Variants in GALNT9 observed in about 807,000 individuals in gnomAD.
The protein encoded by GALNT9 is polypeptide N-acetylgalactosaminyltransferase 9, also known as GalNAc transferase 9.
In GALNT9, 47 loss-of-function variants were observed where a neutral mutation model predicts 63.1. The observed-to-expected ratio is 0.75, with a 90% CI of 0.59 to 0.95. GALNT9 has a LOEUF of 0.95. Among genes scored for constraint, GALNT9 ranks in the 40% least tolerant of loss-of-function variants. The pLI, the probability that GALNT9 is intolerant of heterozygous loss-of-function variation, is 0.00. For missense variants in GALNT9, 829 were observed against 874.8 expected, an observed-to-expected ratio of 0.95 and a Z score of 0.66; for synonymous variants, 396 against 365.7, an observed-to-expected ratio of 1.08 and a Z score of -0.94.
intron 2 of GALNT9, among the ~76,000 whole-genome samples, chr12:132,271,634 C>T (rs768292454): frequency 1.3e-5 from 2 of 152,174 alleles, no homozygotes; most frequent in Non-Finnish European, 2.9e-5. Context: ...TAGACACAAA[C>T]GGCGTTGGGG....
At chr12:132,283,291 A>C (rs1411430835) in intron 2 of GALNT9, 1 of 152,300 alleles carries the variant, frequency 6.6e-6, no homozygotes, top group Non-Finnish European at 1.5e-5. Context: ...GCAGGCCGGG[A>C]GAGCAGGGCC....
chr12:132,286,283 A>G lies in GALNT9; in HGVS notation c.386T>C (p.Leu129Pro), dbSNP rs1555242171. The G allele has an allele frequency of 6.4e-7, 1 of 1,551,130 alleles. No homozygotes were observed. The highest frequency in any genetic ancestry group is 2.4e-5 in the East Asian group (1 of 40,902). The stretch of plus-strand genomic sequence containing the variant: ...CCGGTAGTCGGGGATGCTCCGATCG[A>G]GGGAGATGCGGTCGCTGAGCTGAGC... ...YNAQLSDRIS[L>P]DRSIPDYRPR... Residue 129 changes from leucine to proline, a missense_variant, in exon 2 of 11, where the codon CTC becomes CCC. Leu to Pro is a moderately conservative substitution (Grantham distance 98). Transcript: ENST00000328957. The surrounding 1 kb of genome is among the most constrained non-coding windows in gnomAD (Gnocchi z 7.4).
rs372228258 is a variant in GALNT9, at chr12:132,214,597, A to G, written c.1078-10907T>C. 8.5e-5 allele frequency among the ~76,000 whole-genome samples: 13 copies of G among 152,312 alleles called. No individual in the cohort carries two copies. In the East Asian group the frequency reaches 2.5e-3, roughly 29 times the overall value. On this transcript the variant is annotated intron_variant, in intron 6 of 10. Transcript: ENST00000328957. ...CCCATGCCCCAGAGCTGCTGAGACG[A>G]TGGAAGCCAGGCCCCCCAGGCCTGC...
chr12:132,254,547 C>T (rs1401050107), intron 5 of GALNT9, among the ~76,000 whole-genome samples: 6 of 152,196 alleles, frequency 3.9e-5, no homozygotes, highest in Non-Finnish European at 8.8e-5. Flanking sequence ...AGGGCTCCAG[C>T]ACGTGACTCT....
intron 6 of GALNT9, among the ~76,000 whole-genome samples, chr12:132,225,409 C>T (rs1877631693): frequency 6.7e-6 from 1 of 149,530 alleles, no homozygotes; most frequent in African/African-American, 2.5e-5. Context: ...ACACACCACA[C>T]AACCCACACA....
intron 6 of GALNT9, among the ~76,000 whole-genome samples, chr12:132,207,354 C>A (rs898539856): frequency 6.6e-6 from 1 of 152,214 alleles, no homozygotes; most frequent in Admixed American, 6.5e-5. Context: ...AGCTGCGGAA[C>A]GAATGTGTTC....
At chr12:132,303,385 G>T (rs1881387153) in intron 1 of GALNT9, among the ~76,000 whole-genome samples, 1 of 131,908 alleles carries the variant, frequency 7.6e-6, no homozygotes, top group Admixed American at 7.5e-5. Flanking sequence ...CCTCTCCGGG[G>T]CACAGCCTCG....
At position 132,230,093 on chromosome 12, in the gene GALNT9, C is replaced by T. The variant is rs936364687; in HGVS notation, c.1077+17817G>A. Among the ~76,000 whole-genome samples the T allele has an allele frequency of 1.3e-3, 200 of 152,290 alleles. 2 individuals are homozygous for T. Among genetic ancestry groups the T allele is most frequent in the African/African-American group, 4.5e-3 (185 of 41,556 alleles). ...CCACCGGGTCATCCAAGGTGGGGCACAGAGGGCATCGTAATTCCAGCCTGG... is the reference window on the plus strand; with the variant it reads ...CCACCGGGTCATCCAAGGTGGGGCATAGAGGGCATCGTAATTCCAGCCTGG... On this transcript the variant is annotated intron_variant, in intron 6 of 10. Coordinates refer to ENST00000328957, the MANE Select transcript of GALNT9 (RefSeq NM_001122636.2).
At chr12:132,275,467 C>T (rs28584042) in intron 2 of GALNT9, 20,795 of 152,290 alleles carry the variant, frequency 0.14, 3,969 homozygotes, top group African/African-American at 0.43. Context: ...AAGAGGAGCA[C>T]GGAGAGCTGG....
At chr12:132,303,486 GAATCGCCCAGA>G (rs1881405135) in intron 1 of GALNT9, among the ~76,000 whole-genome samples, 2 of 18,056 alleles carry the variant, frequency 1.1e-4, no homozygotes, top group African/African-American at 3.1e-4. Context: ...CCCGGGCACA[GAATCGCCCAGA>G]CACACCCTCG....
chr12:132,228,396 C>T (rs940526614), intron 6 of GALNT9, among the ~76,000 whole-genome samples: 15 of 133,296 alleles, frequency 1.1e-4, no homozygotes, highest in African/African-American at 2.2e-4. Context: ...TTGCCTCTGG[C>T]GAGGCAGGGC....
At chr12:132,307,156 G>C (rs1555244732) in intron 1 of GALNT9, among the ~76,000 whole-genome samples, 2 of 152,146 alleles carry the variant, frequency 1.3e-5, no homozygotes, top group East Asian at 3.9e-4. Flanking sequence ...ATGGGGAGTG[G>C]TGGGGACTGC....
At chr12:132,202,347 GTC>G (rs1876214035) in intron 7 of GALNT9, among the ~76,000 whole-genome samples, 2 of 152,154 alleles carry the variant, frequency 1.3e-5, no homozygotes, top group Admixed American at 1.3e-4. Flanking sequence ...CCCTCTTCTC[GTC>G]TCTCAGACAC....
chr12:132,271,051 C>T (rs1555240674), intron 2 of GALNT9, among the ~76,000 whole-genome samples: 1 of 152,150 alleles, frequency 6.6e-6, no homozygotes. Context: ...GGTGCCTCAG[C>T]TGCCGCCGTC....
chr12:132,268,991 T>A (rs912995626), intron 2 of GALNT9, among the ~76,000 whole-genome samples: 1 of 152,064 alleles, frequency 6.6e-6, no homozygotes, highest in African/African-American at 2.4e-5. Flanking sequence ...ACATAAAACG[T>A]GTGGATATCT....
intron 6 of GALNT9, among the ~76,000 whole-genome samples, chr12:132,229,951 A>G (rs1053583094): frequency 6.6e-6 from 1 of 152,200 alleles, no homozygotes; most frequent in African/African-American, 2.4e-5. Context: ...GAACAAGCAA[A>G]GAACAGTGAA....
chr12:132,218,321 G>A (rs1877302301), intron 6 of GALNT9, among the ~76,000 whole-genome samples: 1 of 152,182 alleles, frequency 6.6e-6, no homozygotes, highest in Admixed American at 6.5e-5. Flanking sequence ...GGCTGACGCG[G>A]ACGGAAACCC....
At chr12:132,262,377 C>A (rs782539936) in intron 3 of GALNT9, 82 bp downstream of exon 3, 2 of 1,479,446 alleles carry the variant, frequency 1.4e-6, no homozygotes, top group Non-Finnish European at 1.8e-6. Context: ...CGCTCTGCCC[C>A]CGGAGGCTCC....
intron 6 of GALNT9, among the ~76,000 whole-genome samples, chr12:132,228,064 G>T (rs1593072716): frequency 6.6e-6 from 1 of 152,198 alleles, no homozygotes; most frequent in East Asian, 1.9e-4. Flanking sequence ...TGCCAGACTT[G>T]GTGAGGACGC....
Sources: allele counts gnomAD v4.1 joint callset (sites outside exome capture counted in the v4.1 genomes callset), GRCh38; gene constraint gnomAD v4.1.1; non-coding constraint Gnocchi (gnomAD v3.1); transcripts MANE v1.5; gene names NCBI Gene and HGNC (gene_info 2026-07-23, HGNC 2026-07-21).